NTN4: variants seen among roughly 807,000 people sequenced by gnomAD.
NTN4 encodes netrin 4.
Under a neutral mutation model 73.6 loss-of-function variants are expected in NTN4, and 32 were observed. The observed-to-expected ratio is 0.44, with a 90% CI of 0.33 to 0.58. NTN4 has a LOEUF of 0.58. Ranked by LOEUF, NTN4 falls within the 20% of genes least tolerant of loss-of-function variation. NTN4 has a pLI of 0.04. For missense variants in NTN4, 654 were observed against 798.3 expected (o/e 0.82, Z 2.18); for synonymous variants, 258 against 287.5 (o/e 0.90, Z 1.04).
At chr12:95,736,154 G>T (rs2078776431) in intron 3 of NTN4, among the ~76,000 whole-genome samples, 2 of 152,130 alleles carry the variant, frequency 1.3e-5, no homozygotes, top group South Asian at 2.1e-4. Flanking sequence ...GGCCAGGCTG[G>T]TCTGGAACTC....
chr12:95,698,796 G>A (rs1328269386), intron 5 of NTN4, among the ~76,000 whole-genome samples: 1 of 151,988 alleles, frequency 6.6e-6, no homozygotes, highest in Non-Finnish European at 1.5e-5. Context: ...GTTTGAGGCT[G>A]CAATGAGCCA....
chr12:95,674,776 T>G (rs2120960628), intron 7 of NTN4, among the ~76,000 whole-genome samples: 1 of 152,334 alleles, frequency 6.6e-6, no homozygotes, highest in East Asian at 1.9e-4. Context: ...TGCAGGGAAC[T>G]CAATAAAGTC....
chr12:95,787,752 C>T (rs1205579050), intron 1 of NTN4, among the ~76,000 whole-genome samples: 1 of 152,056 alleles, frequency 6.6e-6, no homozygotes. Context: ...AGGCAGAGGG[C>T]AAGAGGAGGG....
intron 2 of NTN4, among the ~76,000 whole-genome samples, chr12:95,755,750 C>A (rs577958678): frequency 6.6e-5 from 10 of 152,180 alleles, no homozygotes; most frequent in Non-Finnish European, 1.3e-4. Flanking sequence ...AGCCTCTTTG[C>A]ATGTTTCAAG....
At chr12:95,671,029 C>T (rs889922423) in intron 7 of NTN4, 2 of 152,064 alleles carry the variant, frequency 1.3e-5, no homozygotes, top group Admixed American at 1.3e-4. Context: ...GATGGAGTCT[C>T]ATTCTGTCAC....
chr12:95,672,397 C>T (rs1460858089), intron 7 of NTN4: 7 of 995,132 alleles, frequency 7.0e-6, no homozygotes, highest in African/African-American at 1.6e-5. Flanking sequence ...GACCTGAGCC[C>T]GGCAGGCCAC....
rs149296633 is a variant in NTN4, at chr12:95,671,864, C to G, written c.1511-1718G>C. On this transcript the variant is annotated intron_variant, in intron 7 of 9. Coordinates refer to ENST00000343702, the MANE Select transcript of NTN4 (RefSeq NM_021229.4). ...ATATACTTTTTCCCCTTTCCTGCCC[C>G]CTCCTGCCCTCATGCACTGCATTTC... Among the ~76,000 whole-genome samples, 84 of 152,308 alleles carry G rather than the reference C, an allele frequency of 5.5e-4. No individual in the cohort carries two copies. In the East Asian group the frequency reaches 0.016, roughly 29 times the overall value.
chr12:95,732,041 G>C (rs1203322880), intron 3 of NTN4, among the ~76,000 whole-genome samples: 1 of 152,120 alleles, frequency 6.6e-6, no homozygotes, highest in Non-Finnish European at 1.5e-5. Flanking sequence ...GTTTTTTTCT[G>C]TGCTAAAACC....
rs1389740081 is a variant in NTN4 at position 95,658,450 on chromosome 12, T to A, written c.*636A>T. 2 of 152,672 alleles carry A rather than the reference T, an allele frequency of 1.3e-5. No homozygotes were observed. Among genetic ancestry groups the A allele is most frequent in the Non-Finnish European group, 2.9e-5 (2 of 68,054 alleles). 9.5% of individuals were successfully genotyped at this position (152,672 alleles called of 1,614,324 possible). A position where few individuals can be genotyped will look rare whatever the true frequency, so the allele number is the denominator to read the frequency against. ...GTTAAATAGCACAACTTCTTTTATA[T>A]GGTCACTTTTGTCCACATGTAGTGG... On this transcript the variant is annotated 3_prime_UTR_variant, in exon 10 of 10. Coordinates refer to ENST00000343702, the MANE Select transcript of NTN4 (RefSeq NM_021229.4).
intron 2 of NTN4, among the ~76,000 whole-genome samples, chr12:95,774,186 T>TTAA (rs1555221757): frequency 1.6e-4 from 24 of 148,804 alleles, no homozygotes; most frequent in Non-Finnish European, 2.4e-4. Flanking sequence ...TTTTTTTTTT[T>TTAA]AAAAAAAAAA....
chr12:95,687,153 A>G (rs2078366878), intron 5 of NTN4, among the ~76,000 whole-genome samples: 1 of 142,172 alleles, frequency 7.0e-6, no homozygotes, highest in South Asian at 2.4e-4. Flanking sequence ...ATATATTTCT[A>G]TTTTGTCCCT....
intron 2 of NTN4, among the ~76,000 whole-genome samples, chr12:95,772,883 C>G (rs2079066780): frequency 6.6e-6 from 1 of 152,160 alleles, no homozygotes; most frequent in South Asian, 2.1e-4. Context: ...TCTTCCCTCA[C>G]CCTCCTTCCC....
rs1220543309 is a variant in NTN4, at chr12:95,684,527, C to G, written c.1181-816G>C. The stretch of plus-strand genomic sequence containing the variant: ...CTTGCTATGTTGCCCAGGCTGGTCT[C>G]AAACTCCTGGCCTCAAGCAATCCTC... On this transcript the variant is annotated intron_variant, in intron 5 of 9. Transcript: ENST00000343702. 6.0e-5 allele frequency among the ~76,000 whole-genome samples: 9 copies of G among 151,204 alleles called. No individual in the cohort carries two copies. The East Asian group carries it at 1.8e-3, about 29-fold the overall frequency.
intron 5 of NTN4, among the ~76,000 whole-genome samples, chr12:95,693,942 G>T (rs193101586): frequency 6.6e-6 from 1 of 151,910 alleles, no homozygotes; most frequent in Admixed American, 6.6e-5. Context: ...AACCATTATG[G>T]CTCCCTTTAT....
At chr12:95,714,605 C>A (rs1041746359) in intron 3 of NTN4, among the ~76,000 whole-genome samples, 1 of 152,018 alleles carries the variant, frequency 6.6e-6, no homozygotes, top group Non-Finnish European at 1.5e-5. Context: ...AACAGATAAA[C>A]AAGACAATAA....
At chr12:95,738,503 C>A (rs986795191) in intron 2 of NTN4, among the ~76,000 whole-genome samples, 1 of 152,152 alleles carries the variant, frequency 6.6e-6, no homozygotes, top group Admixed American at 6.5e-5. Context: ...ACAACGAAGT[C>A]AGTGTGACTG....
intron 9 of NTN4, among the ~76,000 whole-genome samples, chr12:95,663,210 C>A (rs1426561570): frequency 6.6e-6 from 1 of 151,774 alleles, no homozygotes; most frequent in Non-Finnish European, 1.5e-5. Flanking sequence ...ATAGAATAAA[C>A]AGGAATTTAC....
Position 95,658,787 on chromosome 12 carries a change from C to T in NTN4, c.*299G>A. 4.9e-6 allele frequency: 1 copy of T among 206,030 alleles called. No homozygotes were observed. Among genetic ancestry groups the T allele is most frequent in the Non-Finnish European group, 9.6e-6 (1 of 103,808 alleles). 12.8% of individuals were successfully genotyped at this position (206,030 alleles called of 1,614,324 possible). ...AAGGCGTCCTTGTTAGAGGTACTGC[C>T]CTTAATGGATTACTGCTAAATGTCA... On this transcript the variant is annotated 3_prime_UTR_variant, in exon 10 of 10. Transcript: ENST00000343702.
intron 2 of NTN4, among the ~76,000 whole-genome samples, chr12:95,769,083 A>C (rs556934199): frequency 5.9e-5 from 9 of 152,298 alleles, no homozygotes; most frequent in Admixed American, 5.9e-4. Flanking sequence ...GCAGGGAAGA[A>C]AGAGAGCGGA....
Sources: gnomAD v4.1 joint callset for allele counts (sites outside exome capture counted in the v4.1 genomes callset) on GRCh38, gnomAD v4.1.1 for gene constraint, MANE v1.5 for transcripts, NCBI Gene and HGNC (gene_info 2026-07-23, HGNC 2026-07-21) for gene names.